The following GRM8 variants were observed in gnomAD, a reference collection of about 807,000 sequenced individuals.
GRM8 encodes metabotropic glutamate receptor 8.
Under a neutral mutation model 87.2 loss-of-function variants are expected in GRM8, and 47 were observed. The observed-to-expected ratio is 0.54, with a 90% CI of 0.43 to 0.69. The LOEUF is 0.69. Among genes scored for constraint, GRM8 ranks in the 30% least tolerant of loss-of-function variants. The pLI is 0.00. For missense variants in GRM8, 1,019 were observed against 1,139.2 expected (o/e 0.89, Z 1.52); for synonymous variants, 396 against 404.5 (o/e 0.98, Z 0.25).
At chr7:126,884,364 T>TG (rs1196705116) in intron 6 of GRM8, among the ~76,000 whole-genome samples, 19 of 152,138 alleles carry the variant, frequency 1.2e-4, no homozygotes, top group Non-Finnish European at 2.8e-4. Context: ...AATGTTTATA[T>TG]GGGAGTTCTG....
intron 7 of GRM8, among the ~76,000 whole-genome samples, chr7:126,703,593 T>G (rs1486013674): frequency 2.0e-5 from 3 of 152,150 alleles, no homozygotes; most frequent in Non-Finnish European, 4.4e-5. Context: ...AGGTCTCGTC[T>G]TTATCACTCA....
At chr7:126,463,080 A>T (rs960904729) in intron 9 of GRM8, among the ~76,000 whole-genome samples, 3 of 149,386 alleles carry the variant, frequency 2.0e-5, no homozygotes, top group Non-Finnish European at 3.0e-5. Context: ...GATAAATGTC[A>T]TAAAAGTGTT....
chr7:126,594,669 A>G (rs1489972197), intron 8 of GRM8, among the ~76,000 whole-genome samples: 1 of 152,124 alleles, frequency 6.6e-6, no homozygotes, highest in African/African-American at 2.4e-5. Context: ...CAGCATAGTG[A>G]CTATAGATAA....
intron 3 of GRM8, among the ~76,000 whole-genome samples, chr7:127,083,532 C>T (rs1449214601): frequency 6.6e-6 from 1 of 152,050 alleles, no homozygotes; most frequent in Admixed American, 6.6e-5. Flanking sequence ...AATCTGGTCA[C>T]GCTGCTGCCC....
In GRM8 at chr7:126,533,035, T is replaced by C. The variant is rs886747132; in HGVS notation, c.2347A>G (p.Ile783Val). Reference protein sequence around the residue: ...VPETFNEAKPIGFTMYTTCII... With the variant: ...VPETFNEAKPVGFTMYTTCII... Reference sequence around the variant, plus strand: ...CAGGTGGTATACATGGTAAATCCAATAGGTTTGGCTTCATTGAAAGTCTCT... The same window carrying C: ...CAGGTGGTATACATGGTAAATCCAACAGGTTTGGCTTCATTGAAAGTCTCT... Residue 783 changes from isoleucine to valine, a missense_variant, in exon 9 of 11, where the codon ATT (isoleucine) becomes GTT (valine). Ile to Val is a conservative substitution (Grantham distance 29). Transcript: ENST00000339582. 34 of 1,613,442 alleles carry C rather than the reference T, an allele frequency of 2.1e-5. No homozygotes were observed. The highest frequency in any genetic ancestry group is 2.7e-5 in the African/African-American group (2 of 74,798).
At chr7:127,090,301 C>T (rs182511346) in intron 3 of GRM8, among the ~76,000 whole-genome samples, 3 of 152,208 alleles carry the variant, frequency 2.0e-5, no homozygotes, top group Admixed American at 6.5e-5. Flanking sequence ...CTTGGAACTT[C>T]ATTTGGGTAC....
chr7:127,070,360 A>G (rs1481752243), intron 3 of GRM8, among the ~76,000 whole-genome samples: 1 of 152,180 alleles, frequency 6.6e-6, no homozygotes, highest in Non-Finnish European at 1.5e-5. Flanking sequence ...AACAGTGAGT[A>G]CTACCCTTTA....
intron 7 of GRM8, among the ~76,000 whole-genome samples, chr7:126,655,425 A>G (rs1288821511): frequency 2.6e-5 from 4 of 151,940 alleles, no homozygotes; most frequent in Non-Finnish European, 5.9e-5. Flanking sequence ...TATCATCCCC[A>G]TGTGTTGAGG....
intron 6 of GRM8, among the ~76,000 whole-genome samples, chr7:126,881,890 A>G (rs1800055052): frequency 6.6e-6 from 1 of 152,202 alleles, no homozygotes. Flanking sequence ...ATATATGTAT[A>G]AGTATAAAAC....
intron 8 of GRM8, among the ~76,000 whole-genome samples, chr7:126,607,324 C>T (rs7790017): frequency 0.32 from 48,861 of 152,020 alleles, 8,490 homozygotes; most frequent in East Asian, 0.44. Context: ...TGCATAGCTG[C>T]AATAATTATG....
At chr7:126,671,209 A>C (rs1279540626) in intron 7 of GRM8, among the ~76,000 whole-genome samples, 1 of 152,164 alleles carries the variant, frequency 6.6e-6, no homozygotes, top group African/African-American at 2.4e-5. Flanking sequence ...CAGGTCCAGG[A>C]GCTCCAAGTT....
At chr7:127,042,730 A>G (rs1563445095) in intron 3 of GRM8, among the ~76,000 whole-genome samples, 1 of 152,204 alleles carries the variant, frequency 6.6e-6, no homozygotes, top group Non-Finnish European at 1.5e-5. Context: ...AAAACACCAA[A>G]AGCAATGGCA....
chr7:126,914,596 G>C (rs1285218562), intron 3 of GRM8, among the ~76,000 whole-genome samples: 1 of 152,348 alleles, frequency 6.6e-6, no homozygotes, highest in South Asian at 2.1e-4. Flanking sequence ...CCATAAAAAA[G>C]AATGAAATCT....
intron 10 of GRM8, chr7:126,445,234 A>T (rs1941932444): frequency 6.6e-6 from 1 of 152,088 alleles, no homozygotes; most frequent in South Asian, 2.1e-4. Context: ...TAATACAAGT[A>T]CCTTTGCTTT....
intron 3 of GRM8, among the ~76,000 whole-genome samples, chr7:127,054,074 T>G (rs1819747695): frequency 6.6e-6 from 1 of 152,168 alleles, no homozygotes; most frequent in African/African-American, 2.4e-5. Context: ...AGTGATAATA[T>G]TAATACCCAA....
intron 7 of GRM8, among the ~76,000 whole-genome samples, chr7:126,624,926 C>T (rs1800527459): frequency 6.6e-6 from 1 of 152,152 alleles, no homozygotes; most frequent in African/African-American, 2.4e-5. Flanking sequence ...CATGAATATC[C>T]GTGCTACTAA....
intron 3 of GRM8, among the ~76,000 whole-genome samples, chr7:127,099,455 T>C (rs376890830): frequency 2.6e-5 from 4 of 152,180 alleles, no homozygotes; most frequent in African/African-American, 7.2e-5. Context: ...TACACACCTA[T>C]GTTGGCAGTG....
chr7:126,670,590 A>G (rs1318024432), intron 7 of GRM8, among the ~76,000 whole-genome samples: 3 of 152,222 alleles, frequency 2.0e-5, no homozygotes, highest in African/African-American at 7.2e-5. Context: ...ATGGTTTATA[A>G]TAAGCTATAC....
chr7:126,870,363 A>T (rs989662785), intron 6 of GRM8: 1 of 152,134 alleles, frequency 6.6e-6, no homozygotes, highest in African/African-American at 2.4e-5. Context: ...AATTTTCAAG[A>T]ATTTTCCCTT....
Sources: allele counts gnomAD v4.1 joint callset (sites outside exome capture counted in the v4.1 genomes callset), GRCh38; gene constraint gnomAD v4.1.1; transcripts MANE v1.5; gene names NCBI Gene and HGNC (gene_info 2026-07-23, HGNC 2026-07-21).